Variants in PAX5 observed in about 807,000 individuals in gnomAD.
PAX5 encodes paired box 5.
In PAX5, 9 loss-of-function variants were observed where a neutral mutation model predicts 43.7. The ratio of observed to expected loss-of-function variants is 0.21; its 90% CI spans 0.12 to 0.36. The LOEUF (loss-of-function observed/expected upper bound fraction) is 0.36. Ranked by LOEUF, PAX5 falls within the 10% of genes least tolerant of loss-of-function variation. The pLI is 1.00. For synonymous variants in PAX5, 228 were observed against 214.3 expected (o/e 1.06, Z -0.56); for missense variants, 383 against 532.7 (o/e 0.72, Z 2.77).
At chr9:36,938,846 C>G in intron 6 of PAX5, among the ~76,000 whole-genome samples, 1 of 152,212 alleles carries the variant, frequency 6.6e-6, no homozygotes, top group East Asian at 1.9e-4. Context: ...GTGCCACATA[C>G]AGCTGCGAGG....
chr9:36,954,628 CA>C (rs1833302925), intron 6 of PAX5, among the ~76,000 whole-genome samples: 2 of 152,178 alleles, frequency 1.3e-5, no homozygotes, highest in Admixed American at 6.5e-5. Flanking sequence ...TGGTTGCTTT[CA>C]TAATTTTCTC....
Position 36,892,568 on chromosome 9 carries a change from A to T in PAX5, c.911-10463T>A, listed in dbSNP as rs556250703. 3.3e-5 allele frequency among the ~76,000 whole-genome samples: 5 copies of T among 152,212 alleles called. No homozygotes were observed. In the East Asian group the frequency reaches 9.6e-4, roughly 29 times the overall value. ...GCTGAGGCTGACTTCAGAGCCAGTC[A>T]CTCCTGCCTCACACACACGATTGTT... is the stretch of plus-strand genomic sequence containing the variant. On this transcript the variant is annotated intron_variant, in intron 7 of 9. Coordinates refer to ENST00000358127, the MANE Select transcript of PAX5 (RefSeq NM_016734.3).
Position 36,840,158 on chromosome 9 carries a change from A to T in PAX5, c.*402T>A. 1 of 391,088 alleles carries T rather than the reference A, an allele frequency of 2.6e-6. No homozygotes were observed. The highest frequency in any genetic ancestry group is 4.6e-5 in the East Asian group (1 of 21,576). 24.2% of individuals were successfully genotyped at this position (391,088 alleles called of 1,614,324 possible). ...AGTCGGACCTTCAGGCCCACAGAAA[A>T]GCAAGAAGGTATTTACATGGGTGCT... On this transcript the variant is annotated 3_prime_UTR_variant, in exon 10 of 10. Transcript: ENST00000358127.
chr9:36,921,361 C>A (rs1224008139), intron 7 of PAX5, among the ~76,000 whole-genome samples: 1 of 152,204 alleles, frequency 6.6e-6, no homozygotes, highest in African/African-American at 2.4e-5. Flanking sequence ...GAGACCAGAA[C>A]CCTTTTACAG....
At chr9:36,857,237 T>C (rs1823768841) in intron 8 of PAX5, among the ~76,000 whole-genome samples, 1 of 152,228 alleles carries the variant, frequency 6.6e-6, no homozygotes, top group African/African-American at 2.4e-5. Flanking sequence ...TCTAAAGTTC[T>C]TCACTGTCCT....
At chr9:36,918,662 A>G (rs912777304) in intron 7 of PAX5, among the ~76,000 whole-genome samples, 1 of 152,142 alleles carries the variant, frequency 6.6e-6, no homozygotes, top group Non-Finnish European at 1.5e-5. Flanking sequence ...CCCTGCCTCA[A>G]AAAAAAGAAG....
intron 1 of PAX5, among the ~76,000 whole-genome samples, chr9:37,024,342 G>A (rs1010036983): frequency 6.6e-6 from 1 of 152,056 alleles, no homozygotes; most frequent in Non-Finnish European, 1.5e-5. Flanking sequence ...GAAGCTATCC[G>A]GCTCTGAAGC....
At chr9:36,863,920 C>T (rs1030153570) in intron 8 of PAX5, among the ~76,000 whole-genome samples, 12 of 152,176 alleles carry the variant, frequency 7.9e-5, no homozygotes, top group South Asian at 4.1e-4. Flanking sequence ...ACCAGCCTGG[C>T]CAACATGGTG....
At chr9:36,977,409 A>T (rs1248942595) in intron 5 of PAX5, among the ~76,000 whole-genome samples, 1 of 152,076 alleles carries the variant, frequency 6.6e-6, no homozygotes, top group Non-Finnish European at 1.5e-5. Context: ...CTGGTTCCAG[A>T]GTCTGCTCCT....
rs1246335616 is a variant in PAX5, at chr9:37,034,222, A to G, written c.-191T>C. ...TCACTGAGCTGAAACTAAACGTTTTAGGTGGAAAAAAAGCGTCCGAAGGCA... is the reference window on the plus strand; with the variant it reads ...TCACTGAGCTGAAACTAAACGTTTTGGGTGGAAAAAAAGCGTCCGAAGGCA... On this transcript the variant is annotated 5_prime_UTR_variant, in exon 1 of 10. Transcript: ENST00000358127. 22 of 562,656 alleles carry G rather than the reference A, an allele frequency of 3.9e-5. No homozygotes were observed. Among genetic ancestry groups the G allele is most frequent in the Admixed American group, 6.6e-5 (2 of 30,372 alleles). The allele number at this position is 562,656 out of a possible 1,614,324, so 34.9% of individuals were successfully genotyped here.
intron 5 of PAX5, among the ~76,000 whole-genome samples, chr9:36,994,212 T>C (rs1185455397): frequency 6.6e-6 from 1 of 152,102 alleles, no homozygotes; most frequent in African/African-American, 2.4e-5. Context: ...GGGTCTCAGC[T>C]GAGGTGCCCA....
chr9:36,904,067 T>C (rs2131870756), intron 7 of PAX5, among the ~76,000 whole-genome samples: 1 of 152,270 alleles, frequency 6.6e-6, no homozygotes, highest in East Asian at 1.9e-4. Flanking sequence ...ACTGCACCAG[T>C]GAAATGAGGA....
At position 36,864,018 on chromosome 9, in the gene PAX5, A is replaced by T. The variant is rs532045350; in HGVS notation, c.1013-17089T>A. Among the ~76,000 whole-genome samples the T allele has an allele frequency of 3.5e-3, 537 of 152,288 alleles. 3 individuals carry two copies. The highest frequency in any genetic ancestry group is 0.012 in the African/African-American group (511 of 41,568). The stretch of plus-strand genomic sequence containing the variant: ...CAGCTACTCGGGAGGCTGAGGTAGA[A>T]GAATTGCTTGAACCCACGAGGCAGA... On this transcript the variant is annotated intron_variant, in intron 8 of 9. Transcript: ENST00000358127.
chr9:36,904,902 G>T (rs1490261796), intron 7 of PAX5, among the ~76,000 whole-genome samples: 5 of 152,182 alleles, frequency 3.3e-5, no homozygotes, highest in African/African-American at 1.2e-4. Context: ...AGGCTGTGCT[G>T]GAGAAGGCAG....
At chr9:36,846,747 C>T in intron 9 of PAX5, 96 bp downstream of exon 9, 1 of 810,758 alleles carries the variant, frequency 1.2e-6, no homozygotes, top group Non-Finnish European at 2.0e-6. Context: ...CCTCAGTGAC[C>T]AGACCTCAGG....
Position 36,865,991 on chromosome 9 carries a change from G to A in PAX5, c.1012+16013C>T, listed in dbSNP as rs192066773. Among the ~76,000 whole-genome samples the A allele has an allele frequency of 6.7e-3, 1,019 of 152,298 alleles. 15 individuals are homozygous for A. Among genetic ancestry groups the A allele is most frequent in the African/African-American group, 0.023 (944 of 41,554 alleles). ...GATCTGCATCCACTCCTGCCCCACC[G>A]GGAACCACTGGCAGTCCTCCTGTTT... On this transcript the variant is annotated intron_variant, in intron 8 of 9. Coordinates refer to ENST00000358127, the MANE Select transcript of PAX5 (RefSeq NM_016734.3).
At chr9:36,975,641 C>T (rs7034467) in intron 5 of PAX5, among the ~76,000 whole-genome samples, 122,903 of 152,104 alleles carry the variant, frequency 0.81, 49,831 homozygotes, top group South Asian at 0.93. Flanking sequence ...CACCTTGGGC[C>T]CCCAAAGTGC....
chr9:36,845,770 C>T (rs985715166), intron 9 of PAX5, among the ~76,000 whole-genome samples: 2 of 152,166 alleles, frequency 1.3e-5, no homozygotes, highest in Non-Finnish European at 2.9e-5. Flanking sequence ...GCCTTTTTCA[C>T]AGACCTATGG....
intron 8 of PAX5, 61 bp from the exon 9 acceptor site, chr9:36,846,990 C>T (rs1822657867): frequency 1.6e-6 from 2 of 1,230,714 alleles, no homozygotes; most frequent in Non-Finnish European, 2.4e-6. Flanking sequence ...TCAGAAAAGG[C>T]CCTGGGTCCC....
Sources: gnomAD v4.1 joint callset for allele counts (sites outside exome capture counted in the v4.1 genomes callset) on GRCh38, gnomAD v4.1.1 for gene constraint, MANE v1.5 for transcripts, NCBI Gene and HGNC (gene_info 2026-07-23, HGNC 2026-07-21) for gene names.